Variants in CPNE4 observed in about 807,000 individuals in gnomAD.
CPNE4 encodes copine-4.
CPNE4 carries 25 observed loss-of-function variants against 67.9 expected under a neutral mutation model. That is an observed-to-expected ratio of 0.37 (90% confidence interval 0.27 to 0.51). The LOEUF is 0.51. Among genes scored for constraint, CPNE4 ranks in the 20% least tolerant of loss-of-function variants. CPNE4 has a pLI of 0.93. For synonymous variants in CPNE4, 242 were observed against 244.9 expected (o/e 0.99, Z 0.11); for missense variants, 464 against 690.8 (o/e 0.67, Z 3.68).
intron 2 of CPNE4, among the ~76,000 whole-genome samples, chr3:131,902,211 T>C (rs1156524574): frequency 1.3e-5 from 2 of 152,054 alleles, no homozygotes. Flanking sequence ...ATATTAATGG[T>C]TATAGAGTGA....
At chr3:131,556,972 A>C (rs1936492333) in intron 11 of CPNE4, among the ~76,000 whole-genome samples, 1 of 152,124 alleles carries the variant, frequency 6.6e-6, no homozygotes, top group African/African-American at 2.4e-5. Context: ...AGGTAAATAG[A>C]GCCTCAGAAA....
intron 2 of CPNE4, among the ~76,000 whole-genome samples, chr3:131,768,399 T>C (rs937613812): frequency 1.3e-5 from 2 of 152,274 alleles, no homozygotes; most frequent in East Asian, 3.9e-4. Context: ...ATCTATCCAT[T>C]GGGACAGAAA....
intron 1 of CPNE4, among the ~76,000 whole-genome samples, chr3:131,952,600 C>A (rs1335265534): frequency 1.7e-5 from 1 of 58,798 alleles, no homozygotes; most frequent in African/African-American, 6.7e-5. Context: ...CGGCCAGCCG[C>A]CCCGTCCGGA....
At chr3:131,999,746 C>A (rs946053688) in intron 1 of CPNE4, among the ~76,000 whole-genome samples, 1 of 151,748 alleles carries the variant, frequency 6.6e-6, no homozygotes, top group Admixed American at 6.6e-5. Context: ...CTGTAAAATC[C>A]TTTAAACTTT....
intron 7 of CPNE4, chr3:131,620,468 G>A: frequency 1.0e-6 from 1 of 985,280 alleles, no homozygotes; most frequent in Non-Finnish European, 1.2e-6. Flanking sequence ...ATAGATAAAT[G>A]CTTTTTGTCC....
At chr3:131,538,421 G>T (rs1935292124) in intron 15 of CPNE4, among the ~76,000 whole-genome samples, 1 of 152,170 alleles carries the variant, frequency 6.6e-6, no homozygotes, top group South Asian at 2.1e-4. Flanking sequence ...ATAAGGCTTT[G>T]GGGACATGTA....
At chr3:131,677,902 C>G (rs945478874) in intron 6 of CPNE4, among the ~76,000 whole-genome samples, 1 of 151,974 alleles carries the variant, frequency 6.6e-6, no homozygotes, top group African/African-American at 2.4e-5. Flanking sequence ...TTTGGATTGC[C>G]TTGGTTATTT....
At chr3:131,583,513 A>G (rs1937976252) in intron 8 of CPNE4, among the ~76,000 whole-genome samples, 1 of 152,142 alleles carries the variant, frequency 6.6e-6, no homozygotes, top group Admixed American at 6.6e-5. Flanking sequence ...ATTAATCTCA[A>G]TTTCTTCTAT....
intron 2 of CPNE4, among the ~76,000 whole-genome samples, chr3:131,859,868 T>C (rs1366607897): frequency 6.6e-6 from 1 of 152,142 alleles, no homozygotes; most frequent in Non-Finnish European, 1.5e-5. Flanking sequence ...GGCATTCACC[T>C]TACTTAAATA....
At chr3:131,631,488 A>G (rs930399517) in intron 7 of CPNE4, among the ~76,000 whole-genome samples, 3 of 152,238 alleles carry the variant, frequency 2.0e-5, no homozygotes, top group Admixed American at 6.5e-5. Context: ...CAATTCAACA[A>G]TGAAATATTT....
intron 15 of CPNE4, among the ~76,000 whole-genome samples, chr3:131,541,768 T>C (rs1365706040): frequency 6.6e-6 from 1 of 152,044 alleles, no homozygotes; most frequent in African/African-American, 2.4e-5. Context: ...CCTCCCTGAT[T>C]CAAGTGATTC....
intron 2 of CPNE4, among the ~76,000 whole-genome samples, chr3:131,822,737 G>T (rs1258499911): frequency 6.6e-6 from 1 of 152,138 alleles, no homozygotes; most frequent in East Asian, 1.9e-4. Flanking sequence ...AAGTATTCCT[G>T]TTTCATATAT....
chr3:131,813,006 T>C (rs1296866273), intron 2 of CPNE4, among the ~76,000 whole-genome samples: 1 of 152,162 alleles, frequency 6.6e-6, no homozygotes, highest in Non-Finnish European at 1.5e-5. Flanking sequence ...TATTCTGAGG[T>C]TAAAATCTGA....
intron 2 of CPNE4, among the ~76,000 whole-genome samples, chr3:131,861,502 C>G (rs1013103243): frequency 2.6e-5 from 4 of 151,642 alleles, no homozygotes. Flanking sequence ...ACGATCTCAG[C>G]TCATGGTAAC....
intron 5 of CPNE4, among the ~76,000 whole-genome samples, chr3:131,692,731 T>G (rs2081060873): frequency 6.6e-6 from 1 of 152,306 alleles, no homozygotes; most frequent in East Asian, 1.9e-4. Flanking sequence ...GAGACAGATT[T>G]GTTTACTTAT....
chr3:131,574,026 T>C (rs1488332794), intron 10 of CPNE4, among the ~76,000 whole-genome samples: 3 of 152,102 alleles, frequency 2.0e-5, no homozygotes, highest in Admixed American at 6.6e-5. Context: ...ATCTCATCCT[T>C]TGAGACTCCT....
At chr3:131,986,871 A>C (rs377366702) in intron 1 of CPNE4, among the ~76,000 whole-genome samples, 7,792 of 123,486 alleles carry the variant, frequency 0.063, 246 homozygotes, top group Middle Eastern at 0.079. Context: ...AACAAACAAA[A>C]AAAAAAAAAC....
At chr3:132,028,924 CT>C (rs67866239) in intron 1 of CPNE4, among the ~76,000 whole-genome samples, 42,074 of 142,274 alleles carry the variant, frequency 0.3, 6,174 homozygotes, top group South Asian at 0.39. Context: ...CTTAATTTTT[CT>C]TTTTTTTTTT....
At chr3:131,667,571 T>C (rs1278254750) in intron 7 of CPNE4, among the ~76,000 whole-genome samples, 15 of 151,974 alleles carry the variant, frequency 9.9e-5, no homozygotes, top group Admixed American at 9.8e-4. Context: ...ATAGTGCACG[T>C]GTGGAGAAAC....
Sources: gnomAD v4.1 joint callset for allele counts (sites outside exome capture counted in the v4.1 genomes callset) on GRCh38, gnomAD v4.1.1 for gene constraint, MANE v1.5 for transcripts, NCBI Gene and HGNC (gene_info 2026-07-23, HGNC 2026-07-21) for gene names.